The following LAMA2 variants were observed in gnomAD, a reference collection of about 807,000 sequenced individuals.
LAMA2 encodes laminin subunit alpha 2.
A neutral mutation model predicts 364.8 loss-of-function variants in LAMA2; 269 were observed. That is an observed-to-expected ratio of 0.74 (90% CI 0.67 to 0.82). The LOEUF is 0.82. Ranked by LOEUF, LAMA2 falls within the 40% of genes least tolerant of loss-of-function variation. The pLI is 0.00. For missense variants in LAMA2, 3,807 were observed against 3,873.2 expected (o/e 0.98, Z 0.45); for synonymous variants, 1,379 against 1,370.6 (o/e 1.01, Z -0.14).
intron 10 of LAMA2, among the ~76,000 whole-genome samples, chr6:129,183,596 C>G (rs1480279424): frequency 6.6e-6 from 1 of 151,892 alleles, no homozygotes; most frequent in East Asian, 1.9e-4. Flanking sequence ...TTGTTTGTAG[C>G]ATCTGGAATT....
At chr6:129,129,923 C>CA (rs543305057) in intron 4 of LAMA2, among the ~76,000 whole-genome samples, 17,871 of 75,622 alleles carry the variant, frequency 0.24, 1,654 homozygotes, top group South Asian at 0.3. Context: ...GATTCCGTCT[C>CA]AAAAAAAAAA....
intron 12 of LAMA2, among the ~76,000 whole-genome samples, chr6:129,207,191 T>G (rs892829736): frequency 2.0e-5 from 3 of 152,352 alleles, no homozygotes; most frequent in Non-Finnish European, 4.4e-5. Context: ...TCTTTTGCAT[T>G]GTGTATTCGT....
At position 129,050,046 on chromosome 6, in the gene LAMA2, C is replaced by A. The variant is rs1582942060; in HGVS notation, c.241C>A (p.Pro81Thr). 5 of 1,614,108 alleles carry A rather than the reference C, an allele frequency of 3.1e-6. No homozygotes were observed. Among genetic ancestry groups the A allele is most frequent in the Non-Finnish European group, 8.5e-7 (1 of 1,180,002 alleles). The change falls in exon 2 of 65, where the codon CCG (proline) becomes ACG (threonine). Residue 81 changes from proline to threonine, a missense_variant. Pro to Thr is a conservative substitution (Grantham distance 38). Coordinates refer to ENST00000421865, the MANE Select transcript of LAMA2 (RefSeq NM_000426.4). ...EHVPGQPVRN[P>T]QCRICNQNSS... is the part of the protein sequence containing the mutation. ...TGTCCCTGGGCAGCCTGTGAGGAACCCGCAGTGTCGAATCTGCAATCAAAA... is the reference window on the plus strand; with the variant it reads ...TGTCCCTGGGCAGCCTGTGAGGAACACGCAGTGTCGAATCTGCAATCAAAA...
chr6:129,356,726 C>T (rs1018645973), intron 32 of LAMA2, among the ~76,000 whole-genome samples: 4 of 151,972 alleles, frequency 2.6e-5, no homozygotes, highest in African/African-American at 9.7e-5. Flanking sequence ...CCCATTCTAC[C>T]TCGATTAAAA....
intron 29 of LAMA2, 135 bp from the exon 30 acceptor site, chr6:129,342,206 AGT>A (rs1158986511): frequency 1.4e-5 from 10 of 707,206 alleles, no homozygotes; most frequent in Non-Finnish European, 2.0e-5. Context: ...TCAGTGATAA[AGT>A]GTGTGTGTGA....
chr6:128,912,369 T>C (rs1778025038), intron 1 of LAMA2, among the ~76,000 whole-genome samples: 2 of 152,186 alleles, frequency 1.3e-5, no homozygotes. Context: ...TTTTACACAA[T>C]TAAAAAACTA....
chr6:129,477,787 C>A (rs866260012), intron 53 of LAMA2, among the ~76,000 whole-genome samples: 2 of 151,738 alleles, frequency 1.3e-5, no homozygotes, highest in African/African-American at 4.9e-5. Flanking sequence ...TAAAAAAAAA[C>A]ATTTTTTTAT....
chr6:129,217,287 C>G (rs898764973), intron 12 of LAMA2, among the ~76,000 whole-genome samples: 1 of 152,040 alleles, frequency 6.6e-6, no homozygotes, highest in African/African-American at 2.4e-5. Flanking sequence ...TTACTTTCTT[C>G]CATATATAAG....
At chr6:129,232,244 A>G (rs1784710654) in intron 12 of LAMA2, among the ~76,000 whole-genome samples, 1 of 152,096 alleles carries the variant, frequency 6.6e-6, no homozygotes, top group East Asian at 1.9e-4. Context: ...TTTAACTCTT[A>G]CTTTTGACAT....
chr6:129,452,731 G>C (rs901395095), intron 45 of LAMA2, among the ~76,000 whole-genome samples: 11 of 152,080 alleles, frequency 7.2e-5, no homozygotes, highest in Admixed American at 2.6e-4. Flanking sequence ...TTTGTTAGTT[G>C]CATGCTTCAA....
chr6:128,982,532 G>A (rs1405349303), intron 1 of LAMA2, among the ~76,000 whole-genome samples: 1 of 152,042 alleles, frequency 6.6e-6, no homozygotes, highest in African/African-American at 2.4e-5. Context: ...AATTTTATGA[G>A]TGAAAATTGT....
chr6:129,113,658 C>G (rs762749911), intron 4 of LAMA2, among the ~76,000 whole-genome samples: 3 of 151,980 alleles, frequency 2.0e-5, no homozygotes, highest in Non-Finnish European at 2.9e-5. Context: ...GTAACATAGA[C>G]AGAAGACTAC....
chr6:129,329,989 G>A (rs1775535557), intron 29 of LAMA2, among the ~76,000 whole-genome samples: 1 of 151,890 alleles, frequency 6.6e-6, no homozygotes, highest in Admixed American at 6.6e-5. Context: ...ACCCTATTGT[G>A]AACTGCACAT....
intron 1 of LAMA2, among the ~76,000 whole-genome samples, chr6:128,972,492 A>G (rs946160027): frequency 1.1e-4 from 16 of 152,256 alleles, no homozygotes; most frequent in Admixed American, 6.5e-5. Context: ...GTGCACATAA[A>G]TGTTCAACAA....
chr6:128,940,150 T>G (rs1780066196), intron 1 of LAMA2, among the ~76,000 whole-genome samples: 1 of 152,146 alleles, frequency 6.6e-6, no homozygotes. Flanking sequence ...TCTACTGCCT[T>G]AAAAAGCCCT....
intron 53 of LAMA2, among the ~76,000 whole-genome samples, chr6:129,477,963 G>T (rs544641503): frequency 6.7e-6 from 1 of 149,374 alleles, no homozygotes; most frequent in Non-Finnish European, 1.5e-5. Flanking sequence ...TTTTTTGGAG[G>T]GGAGGGCAAA....
chr6:129,156,423 A>C (rs67540753), intron 8 of LAMA2, among the ~76,000 whole-genome samples: 1 of 151,572 alleles, frequency 6.6e-6, no homozygotes, highest in South Asian at 2.1e-4. Flanking sequence ...TTTGCTTTGC[A>C]TGACTGTAAA....
intron 12 of LAMA2, among the ~76,000 whole-genome samples, chr6:129,193,739 A>G (rs569839077): frequency 6.6e-6 from 1 of 152,346 alleles, no homozygotes; most frequent in African/African-American, 2.4e-5. Context: ...ACCTAACAAA[A>G]TATAGCATTA....
intron 1 of LAMA2, among the ~76,000 whole-genome samples, chr6:128,980,502 CTT>C (rs930698825): frequency 1.3e-5 from 2 of 151,992 alleles, no homozygotes; most frequent in African/African-American, 4.8e-5. Context: ...AAATAAATCA[CTT>C]TTTTGTGTGT....
Sources: allele counts gnomAD v4.1 joint callset (sites outside exome capture counted in the v4.1 genomes callset), GRCh38; gene constraint gnomAD v4.1.1; transcripts MANE v1.5; gene names NCBI Gene and HGNC (gene_info 2026-07-23, HGNC 2026-07-21).